Variants in IFT172 observed in about 807,000 individuals in gnomAD.
IFT172 encodes the protein intraflagellar transport 172, also known as intraflagellar transport protein 172 homolog.
IFT172 carries 164 observed loss-of-function variants against 248.9 expected under a neutral mutation model. The observed-to-expected ratio is 0.66, with a 90% CI of 0.58 to 0.75. The LOEUF is 0.75. Among genes scored for constraint, IFT172 ranks in the 30% least tolerant of loss-of-function variants. IFT172 has a pLI of 0.00. For synonymous variants in IFT172, 729 were observed against 791.6 expected (o/e 0.92, Z 1.33); for missense variants, 1,950 against 2,192.4 (o/e 0.89, Z 2.21).
chr2:27,456,583 C>T lies in IFT172; in HGVS notation c.3299G>A (p.Gly1100Glu). Residue 1100 changes from glycine (G) to glutamate (E), a missense_variant, in exon 30 of 48, where the codon GGA (glycine) becomes GAA (glutamate). Physicochemically the swap from Gly to Glu is moderately conservative, Grantham distance 98. Transcript: ENST00000260570. ...VAYLWAKSLG[G>E]EAAVRLLNKL... ...ATTAAGCAGTCTAACTGCAGCCTCT[C>T]CTCCCAGGCTCTTTGCCCACAGATA... 1 of 1,614,204 alleles carries T rather than the reference C, an allele frequency of 6.2e-7. No homozygotes were observed. Among genetic ancestry groups the T allele is most frequent in the African/African-American group, 1.3e-5 (1 of 75,048 alleles).
intron 14 of IFT172, among the ~76,000 whole-genome samples, chr2:27,473,910 C>T (rs1045336160): frequency 2.0e-5 from 3 of 151,096 alleles, no homozygotes; most frequent in African/African-American, 4.9e-5. Context: ...TGGATTCAGG[C>T]GATTCTCCTG....
chr2:27,485,436 A>G lies in IFT172; in HGVS notation c.107T>C (p.Val36Ala). 6.2e-7 allele frequency: 1 copy of G among 1,614,176 alleles called. No individual in the cohort carries two copies. Among genetic ancestry groups the G allele is most frequent in the Non-Finnish European group, 8.5e-7 (1 of 1,180,008 alleles). The stretch of plus-strand genomic sequence containing the variant: ...ATCATACAGCAAGACCACTCGGTCC[A>G]CTGTGCAGACAGCAAATTTGGCATT... Reference protein sequence around the residue: ...QNNAKFAVCTVDRVVLLYDEH... With the variant: ...QNNAKFAVCTADRVVLLYDEH... The change falls in exon 2 of 48, where the codon GTG becomes GCG. Residue 36 changes from valine (V) to alanine (A), a missense_variant. This residue lies in a region of IFT172 where 1,166 missense variants were observed against 1,254.1 expected (regional missense o/e 0.93). Transcript: ENST00000260570.
At chr2:27,484,346 C>T in intron 3 of IFT172, 80 bp from the exon 4 acceptor site, 2 of 1,472,460 alleles carry the variant, frequency 1.4e-6, no homozygotes, top group Non-Finnish European at 1.9e-6. Context: ...AATCCCAGCA[C>T]TTTGGGAGGC....
intron 12 of IFT172, 68 bp from the exon 13 acceptor site, chr2:27,477,388 T>G: frequency 7.1e-7 from 1 of 1,413,276 alleles, no homozygotes. Flanking sequence ...GGAGGTGTAC[T>G]GTCAGTTCAA....
At chr2:27,453,928 TG>T in intron 33 of IFT172, 53 bp downstream of exon 33, 2 of 1,551,448 alleles carry the variant, frequency 1.3e-6, no homozygotes, top group Non-Finnish European at 1.7e-6. Context: ...TGGCTCTCTG[TG>T]GGCTCTTACA....
intron 16 of IFT172, among the ~76,000 whole-genome samples, chr2:27,467,430 A>G (rs1667174478): frequency 7.1e-6 from 1 of 140,908 alleles, no homozygotes; most frequent in South Asian, 2.3e-4. Context: ...AAAAAAAAAA[A>G]AAAAAAAAAA....
chr2:27,468,159 C>CAAAA (rs11284567), intron 16 of IFT172, among the ~76,000 whole-genome samples: 2 of 122,906 alleles, frequency 1.6e-5, no homozygotes, highest in Non-Finnish European at 1.8e-5. Flanking sequence ...GACTCTGTCT[C>CAAAA]AAAAAAAAAA....
chr2:27,459,968 G>T, intron 23 of IFT172, 139 bp from the exon 24 acceptor site: 1 of 1,080,494 alleles, frequency 9.3e-7, no homozygotes, highest in Non-Finnish European at 1.3e-6. Flanking sequence ...CTGAACACAC[G>T]CACCAAGAGG....
At position 27,463,158 on chromosome 2, in the gene IFT172, A is replaced by G; in HGVS notation, c.1961T>C (p.Val654Ala). 6.2e-7 allele frequency: 1 copy of G among 1,614,184 alleles called. No individual in the cohort carries two copies. The highest frequency in any genetic ancestry group is 8.5e-7 in the Non-Finnish European group (1 of 1,180,022). ...AERCFSALGQVAKARFLHETN... is the reference protein window; with the variant it reads ...AERCFSALGQAAKARFLHETN... ...CTCATGCAGGAATCGAGCTTTTGCT[A>G]CTTGGCCCAAAGCAGAAAAGCACCT... Residue 654 changes from valine to alanine, a missense_variant, in exon 19 of 48, where the codon GTA (valine) becomes GCA (alanine). Val to Ala is a moderately conservative substitution (Grantham distance 64). This residue lies in a region of IFT172 where 1,166 missense variants were observed against 1,254.1 expected (regional missense o/e 0.93). Coordinates refer to ENST00000260570, the MANE Select transcript of IFT172 (RefSeq NM_015662.3).
At chr2:27,446,166 C>T (rs1665075981) in intron 43 of IFT172, 94 bp downstream of exon 43, 1 of 1,374,700 alleles carries the variant, frequency 7.3e-7, no homozygotes, top group Non-Finnish European at 1.0e-6. Flanking sequence ...ATCAGCCCTA[C>T]ACTCAGCTTT....
At chr2:27,449,157 A>C in intron 39 of IFT172, 126 bp from the exon 40 acceptor site, 2 of 1,222,954 alleles carry the variant, frequency 1.6e-6, no homozygotes, top group South Asian at 2.5e-5. Flanking sequence ...CCCCAGTTTC[A>C]GACTGAGCTT....
Position 27,483,613 on chromosome 2 carries a change from C to G in IFT172, c.449G>C (p.Gly150Ala), listed in dbSNP as rs368343162. ...TKTNKSSTIYGTESYVVSLTT... is the reference protein window; with the variant it reads ...TKTNKSSTIYATESYVVSLTT... Reference sequence around the variant, plus strand: ...CAGGGACACCACGTAAGACTCTGTCCCATAGATGGTAGATGATTTATTAGT... The same window carrying G: ...CAGGGACACCACGTAAGACTCTGTCGCATAGATGGTAGATGATTTATTAGT... Residue 150 changes from glycine to alanine, a missense_variant, in exon 6 of 48, where the codon GGG becomes GCG. Physicochemically the swap from Gly to Ala is moderately conservative, Grantham distance 60. Coordinates refer to ENST00000260570, the MANE Select transcript of IFT172 (RefSeq NM_015662.3). 105 of 1,613,954 alleles carry G rather than the reference C, an allele frequency of 6.5e-5. 3 individuals carry two copies. Among genetic ancestry groups the G allele is most frequent in the East Asian group, 3.3e-4 (15 of 44,898 alleles).
chr2:27,448,636 C>G (rs1665385618), intron 40 of IFT172, among the ~76,000 whole-genome samples: 1 of 152,168 alleles, frequency 6.6e-6, no homozygotes, highest in Non-Finnish European at 1.5e-5. Context: ...CAGGATTCAT[C>G]TCTGAAAGAC....
chr2:27,459,646 TTACTTGCTCCACTGCCCCTCAC>T, intron 24 of IFT172, 41 bp downstream of exon 24: 10 of 1,606,480 alleles, frequency 6.2e-6, no homozygotes, highest in Non-Finnish European at 7.6e-6. Flanking sequence ...CTTGGTGTCC[TTACTTGCTCCACTGCCCCTCAC>T]TTCACACCTA....
chr2:27,479,945 A>G, intron 9 of IFT172, 81 bp downstream of exon 9: 1 of 1,516,772 alleles, frequency 6.6e-7, no homozygotes, highest in Non-Finnish European at 8.9e-7. Context: ...AGTGTCAGGG[A>G]ACAGTGCTTT....
Position 27,445,036 on chromosome 2 carries a change from T to C in IFT172, c.5138A>G (p.Asn1713Ser), listed in dbSNP as rs748778867. 1.9e-6 allele frequency: 3 copies of C among 1,614,130 alleles called. No homozygotes were observed. Among genetic ancestry groups the C allele is most frequent in the East Asian group, 2.2e-5 (1 of 44,876 alleles). Residue 1713 changes from asparagine (N) to serine (S), a missense_variant, in exon 47 of 48, where the codon AAT becomes AGT. Asn to Ser is a conservative substitution (Grantham distance 46). Transcript: ENST00000260570. This position sits in a 1 kb window ranked among gnomAD's most constrained non-coding sequence, Gnocchi z 4.4. The stretch of plus-strand genomic sequence containing the variant: ...AACCTTGATGGCCATAAGGAATTTA[T>C]TCCAGTTGTCCTTGTTAGCAGCCTT... ...PGKAANKDNWNKFLMAIKTSH... is the reference protein window; with the variant it reads ...PGKAANKDNWSKFLMAIKTSH...
chr2:27,472,077 CTATCAGTTTTGG>C, intron 15 of IFT172, 161 bp downstream of exon 15: 1 of 600,866 alleles, frequency 1.7e-6, no homozygotes, highest in South Asian at 2.2e-5. Flanking sequence ...ATGGGTTTTG[CTATCAGTTTTGG>C]TATCAGCTAC....
chr2:27,462,189 C>T (rs1215259048), intron 20 of IFT172, among the ~76,000 whole-genome samples: 2 of 152,082 alleles, frequency 1.3e-5, no homozygotes, highest in Admixed American at 6.6e-5. Flanking sequence ...TGTGCCACCA[C>T]TCCTGGCTAA....
chr2:27,485,275 T>G, intron 2 of IFT172, 85 bp downstream of exon 2: 1 of 1,591,724 alleles, frequency 6.3e-7, no homozygotes, highest in Non-Finnish European at 8.6e-7. Context: ...TTTCCTATGC[T>G]GATGGCTAGA....
Sources: allele counts gnomAD v4.1 joint callset (sites outside exome capture counted in the v4.1 genomes callset), GRCh38; gene constraint gnomAD v4.1.1; regional missense constraint gnomAD v4.1.1; non-coding constraint Gnocchi (gnomAD v3.1); transcripts MANE v1.5; gene names NCBI Gene and HGNC (gene_info 2026-07-23, HGNC 2026-07-21).